The following ZNF566 variants were observed in gnomAD, a reference collection of about 807,000 sequenced individuals.
The protein encoded by ZNF566 is zinc finger protein 566.
In ZNF566, 27 loss-of-function variants were observed where a neutral mutation model predicts 32.8. The observed-to-expected ratio is 0.82, with a 90% CI of 0.61 to 1.14. The LOEUF (loss-of-function observed/expected upper bound fraction) is 1.14, where lower values mean the gene tolerates loss of function less well. Ranked by LOEUF, ZNF566 falls within the 50% of genes most tolerant of loss-of-function variation. The pLI is 0.00. For missense variants in ZNF566, 402 were observed against 490.4 expected, an observed-to-expected ratio of 0.82 and a Z score of 1.70; for synonymous variants, 154 against 159.5, an observed-to-expected ratio of 0.97 and a Z score of 0.26.
In ZNF566 at chr19:36,472,819, A is replaced by G. The variant is rs2033798446; in HGVS notation, c.232+92T>C. 2.9e-6 allele frequency: 3 copies of G among 1,037,790 alleles called. No homozygotes were observed. In the African/African-American group the frequency reaches 4.8e-5, roughly 17 times the overall value. 64.3% of individuals were successfully genotyped at this position (1,037,790 alleles called of 1,614,324 possible). A position where few individuals can be genotyped will look rare whatever the true frequency, so the allele number is the denominator to read the frequency against. ...AGGTCTTACATTTGCACAACAGGCCAAAAGCCTGTGAGGAGAGTTTCCCAG... is the reference window on the plus strand; with the variant it reads ...AGGTCTTACATTTGCACAACAGGCCGAAAGCCTGTGAGGAGAGTTTCCCAG... On this transcript the variant is annotated intron_variant, in intron 4 of 4. Transcript: ENST00000452939.
At chr19:36,479,407 T>C (rs1449126913) in intron 1 of ZNF566, among the ~76,000 whole-genome samples, 2 of 152,212 alleles carry the variant, frequency 1.3e-5, no homozygotes, top group Non-Finnish European at 2.9e-5. Context: ...AGAGACAATA[T>C]ATAAAAATCA....
At chr19:36,475,450 T>G (rs2033861521) in intron 2 of ZNF566, among the ~76,000 whole-genome samples, 1 of 152,168 alleles carries the variant, frequency 6.6e-6, no homozygotes, top group African/African-American at 2.4e-5. Context: ...TGCCATGTAC[T>G]AGGACTGAAA....
At position 36,449,833 on chromosome 19, in the gene ZNF566, G is replaced by A; in HGVS notation, c.401C>T (p.Ser134Phe). 1 of 1,614,160 alleles carries A rather than the reference G, an allele frequency of 6.2e-7. No homozygotes were observed. Among genetic ancestry groups the A allele is most frequent in the Non-Finnish European group, 8.5e-7 (1 of 1,180,026 alleles). ...CAATTGATTGAAATGTCCCCCCTGA[G>A]AGCCGAGTTCTTTCTTAAACTGCCG... ...CNRQFKKELG[S>F]QGGHFNQLVF... The change falls in exon 5 of 5, where the codon TCT becomes TTT. Residue 134 changes from serine to phenylalanine, a missense_variant. Coordinates refer to ENST00000452939, the MANE Select transcript of ZNF566 (RefSeq NM_001145344.1).
rs1207836864 is a variant in ZNF566, at chr19:36,449,252, T to C, written c.982A>G (p.Lys328Glu). 1.2e-6 allele frequency: 2 copies of C among 1,613,976 alleles called. No individual in the cohort carries two copies. Among genetic ancestry groups the C allele is most frequent in the East Asian group, 2.2e-5 (1 of 44,870 alleles). Residue 328 changes from lysine to glutamate, a missense_variant, in exon 5 of 5, where the codon AAA becomes GAA. Lys to Glu is a moderately conservative substitution (Grantham distance 56, BLOSUM62 1). Coordinates refer to ENST00000452939, the MANE Select transcript of ZNF566 (RefSeq NM_001145344.1). Reference protein sequence around the residue: ...NAFSQSSQLIKHQRIHTGEKP... With the variant: ...NAFSQSSQLIEHQRIHTGEKP... ...TCACCTGTATGGATTCTTTGATGTTTAATAAGTTGTGAGCTCTGACTAAAG... is the reference window on the plus strand; with the variant it reads ...TCACCTGTATGGATTCTTTGATGTTCAATAAGTTGTGAGCTCTGACTAAAG...
chr19:36,466,545 A>G (rs1338136725), intron 4 of ZNF566, among the ~76,000 whole-genome samples: 1 of 152,194 alleles, frequency 6.6e-6, no homozygotes, highest in African/African-American at 2.4e-5. Flanking sequence ...CATTCATGTA[A>G]GATTCAAATA....
chr19:36,451,757 C>CA (rs1399408922), intron 4 of ZNF566, among the ~76,000 whole-genome samples: 1 of 152,150 alleles, frequency 6.6e-6, no homozygotes, highest in African/African-American at 2.4e-5. Context: ...CCTGTAATCC[C>CA]AGCACTCTGC....
At position 36,454,622 on chromosome 19, in the gene ZNF566, T is replaced by C. The variant is rs79395310; in HGVS notation, c.233-4621A>G. On this transcript the variant is annotated intron_variant, in intron 4 of 4. Coordinates refer to ENST00000452939, the MANE Select transcript of ZNF566 (RefSeq NM_001145344.1). The stretch of plus-strand genomic sequence containing the variant: ...TATGAATAATTATATGCCAACAAAT[T>C]GGATAAACTAGGAAAAAAATGGATA... Among the ~76,000 whole-genome samples, 457 of 152,090 alleles carry C rather than the reference T, an allele frequency of 3.0e-3. 2 individuals are homozygous for C. The highest frequency in any genetic ancestry group is 0.011 in the African/African-American group (436 of 41,488).
chr19:36,479,056 T>C (rs2033963599), intron 1 of ZNF566, among the ~76,000 whole-genome samples: 1 of 152,192 alleles, frequency 6.6e-6, no homozygotes, highest in Non-Finnish European at 1.5e-5. Flanking sequence ...GGTCTCATGT[T>C]TTCTGCCAGC....
In ZNF566 at chr19:36,446,090, A is replaced by C. The variant is rs2032985290; in HGVS notation, c.*2887T>G. 3 of 151,838 alleles carry C rather than the reference A, an allele frequency of 2.0e-5. No individual in the cohort carries two copies. Among genetic ancestry groups the C allele is most frequent in the Non-Finnish European group, 4.4e-5 (3 of 67,976 alleles). The allele number at this position is 151,838 out of a possible 1,614,324, so 9.4% of individuals were successfully genotyped here. A position where few individuals can be genotyped will look rare whatever the true frequency, so the allele number is the denominator to read the frequency against. On this transcript the variant is annotated 3_prime_UTR_variant, in exon 5 of 5. Transcript: ENST00000452939. ...AGTTGAATGTAAAAAAGCAAATTTC[A>C]GGGAAATGTATAGTTATCCATTTTT...
chr19:36,452,676 A>C (rs1052616859), intron 4 of ZNF566, among the ~76,000 whole-genome samples: 1 of 151,938 alleles, frequency 6.6e-6, no homozygotes. Flanking sequence ...ACTTGTAAGA[A>C]ACATCAAAAA....
chr19:36,475,759 C>T (rs1031248842), intron 2 of ZNF566, among the ~76,000 whole-genome samples: 3 of 152,048 alleles, frequency 2.0e-5, no homozygotes, highest in African/African-American at 7.2e-5. Context: ...GGAGGAAATG[C>T]ATGTCCTTTT....
intron 1 of ZNF566, among the ~76,000 whole-genome samples, chr19:36,480,325 C>T (rs558464366): frequency 4.7e-5 from 7 of 147,938 alleles, no homozygotes; most frequent in South Asian, 4.3e-4. Context: ...CACTCTGTCA[C>T]GCAGGCTGGA....
At chr19:36,460,095 C>A (rs1179891471) in intron 4 of ZNF566, among the ~76,000 whole-genome samples, 1 of 152,236 alleles carries the variant, frequency 6.6e-6, no homozygotes, top group Non-Finnish European at 1.5e-5. Flanking sequence ...GCATAAGCCA[C>A]TGTGCCTGGC....
intron 4 of ZNF566, among the ~76,000 whole-genome samples, chr19:36,450,650 G>GATAGATAAATAAATAA (rs1555769153): frequency 5.3e-5 from 8 of 151,840 alleles, no homozygotes; most frequent in African/African-American, 1.9e-4. Flanking sequence ...TCAATAGATA[G>GATAGATAAATAAATAA]ATAAATAAAT....
At chr19:36,482,356 C>G (rs2034057112) in intron 1 of ZNF566, among the ~76,000 whole-genome samples, 1 of 152,144 alleles carries the variant, frequency 6.6e-6, no homozygotes, top group East Asian at 1.9e-4. Context: ...TCGCCGGCCT[C>G]GGCCTCCCAA....
At chr19:36,472,805 T>C in intron 4 of ZNF566, 106 bp downstream of exon 4, 1 of 853,272 alleles carries the variant, frequency 1.2e-6, no homozygotes, top group Non-Finnish European at 1.8e-6. Flanking sequence ...GGTCTTACAT[T>C]TGCACAACAG....
chr19:36,452,070 C>T (rs2033171986), intron 4 of ZNF566, among the ~76,000 whole-genome samples: 1 of 151,030 alleles, frequency 6.6e-6, no homozygotes, highest in Non-Finnish European at 1.5e-5. Context: ...TTAGGCCCGA[C>T]CCCTTGACTC....
chr19:36,453,213 A>G (rs747174558), intron 4 of ZNF566, among the ~76,000 whole-genome samples: 25 of 151,882 alleles, frequency 1.6e-4, no homozygotes, highest in Non-Finnish European at 2.9e-4. Context: ...GGTGGCTCAC[A>G]TGTGTAATCT....
intron 1 of ZNF566, among the ~76,000 whole-genome samples, chr19:36,477,085 A>G (rs1404189629): frequency 6.6e-6 from 1 of 151,934 alleles, no homozygotes; most frequent in Non-Finnish European, 1.5e-5. Flanking sequence ...ATCTTGGCTC[A>G]CTGCAACCTC....
Sources: gnomAD v4.1 joint callset for allele counts (sites outside exome capture counted in the v4.1 genomes callset) on GRCh38, gnomAD v4.1.1 for gene constraint, MANE v1.5 for transcripts, NCBI Gene and HGNC (gene_info 2026-07-23, HGNC 2026-07-21) for gene names.